Variants in EDA2R observed in about 807,000 individuals in gnomAD.
EDA2R encodes the protein ectodysplasin A2 receptor.
Under a neutral mutation model 20.1 loss-of-function variants are expected in EDA2R, and 26 were observed. The ratio of observed to expected loss-of-function variants is 1.30; its 90% CI spans 0.95 to 1.80. The LOEUF is 1.80. EDA2R is among the 40% of genes most tolerant of loss of function. The probability of loss-of-function intolerance (pLI) is 0.00; values close to 1 mark genes in which losing one functional copy is unlikely to be tolerated. For missense variants in EDA2R, 277 were observed against 228.7 expected (o/e 1.21, Z -1.36); for synonymous variants, 114 against 88.7 (o/e 1.29, Z -1.60).
chrX:66,623,732 G>A (rs1932835307), intron 1 of EDA2R, among the ~76,000 whole-genome samples: 1 of 111,207 alleles, frequency 9.0e-6, no homozygotes, highest in Non-Finnish European at 1.9e-5. Context: ...CTTCACATCT[G>A]CTGTTCCCTC....
At chrX:66,598,560 A>G (rs1030199116) in intron 6 of EDA2R, among the ~76,000 whole-genome samples, 1 of 112,162 alleles carries the variant, frequency 8.9e-6, no homozygotes, top group East Asian at 2.8e-4. Context: ...CAAGGACTAC[A>G]CAAACTCTTA....
chrX:66,627,495 A>C (rs1198927397), intron 1 of EDA2R, among the ~76,000 whole-genome samples: 6 of 112,646 alleles, frequency 5.3e-5, no homozygotes, highest in Non-Finnish European at 1.9e-5. Context: ...TATATCAGAC[A>C]AAACAAACTT....
intron 1 of EDA2R, among the ~76,000 whole-genome samples, chrX:66,623,013 T>C (rs756180857): frequency 5.0e-4 from 56 of 112,200 alleles, no homozygotes; most frequent in Non-Finnish European, 8.3e-4. Context: ...TTGGTTTGGC[T>C]AATCTCTTAG....
At chrX:66,627,257 G>T (rs930079775) in intron 1 of EDA2R, among the ~76,000 whole-genome samples, 7 of 112,125 alleles carry the variant, frequency 6.2e-5, no homozygotes, top group African/African-American at 2.3e-4. Flanking sequence ...ATAGCACAAT[G>T]AATGCAATGG....
intron 1 of EDA2R, among the ~76,000 whole-genome samples, chrX:66,618,040 C>A (rs184206567): frequency 9.0e-6 from 1 of 110,748 alleles, no homozygotes; most frequent in East Asian, 2.8e-4. Flanking sequence ...GAGCATGCCA[C>A]CATGCCCAGC....
At chrX:66,623,536 C>T (rs1932824282) in intron 1 of EDA2R, among the ~76,000 whole-genome samples, 1 of 111,594 alleles carries the variant, frequency 9.0e-6, no homozygotes, top group African/African-American at 3.3e-5. Flanking sequence ...TAATAAAGAG[C>T]TCATATTTTA....
At chrX:66,634,259 T>C (rs1934122079) in intron 1 of EDA2R, among the ~76,000 whole-genome samples, 2 of 112,407 alleles carry the variant, frequency 1.8e-5, no homozygotes. Flanking sequence ...AAAGGTATAG[T>C]ACTTTGTGAG....
chrX:66,630,114 G>T (rs1187301716), intron 1 of EDA2R, among the ~76,000 whole-genome samples: 1 of 111,674 alleles, frequency 9.0e-6, no homozygotes, highest in Non-Finnish European at 1.9e-5. Flanking sequence ...TCAACAAATG[G>T]TGCTGGGATA....
At chrX:66,603,903 C>G (rs2147613009) in intron 4 of EDA2R, among the ~76,000 whole-genome samples, 1 of 111,885 alleles carries the variant, frequency 8.9e-6, no homozygotes, top group Non-Finnish European at 1.9e-5. Flanking sequence ...TGTTTGAAAA[C>G]TTTCATGATT....
At chrX:66,602,832 A>T (rs762597930) in intron 4 of EDA2R, 35 bp from the exon 5 acceptor site, 16 of 1,132,525 alleles carry the variant, frequency 1.4e-5, no homozygotes, top group Non-Finnish European at 1.9e-5. Context: ...GTCAGTTAGC[A>T]TGGGCAGTAA....
At position 66,597,997 on chromosome X, in the gene EDA2R, C is replaced by A. The variant is rs1927764972; in HGVS notation, c.*107G>T. On this transcript the variant is annotated 3_prime_UTR_variant, in exon 7 of 7. Coordinates refer to ENST00000374719, the MANE Select transcript of EDA2R (RefSeq NM_021783.5). ...ATGCCCCATCTGTAGGGTATTAGCT[C>A]TTGTGGACATCACATTTCAGGCCCC... 1.1e-5 allele frequency: 11 copies of A among 959,075 alleles called. No individual in the cohort carries two copies. Among genetic ancestry groups the A allele is most frequent in the Non-Finnish European group, 1.5e-5 (11 of 746,913 alleles). 79.0% of individuals were successfully genotyped at this position (959,075 alleles called of 1,213,427 possible). A position where few individuals can be genotyped will look rare whatever the true frequency, so the allele number is the denominator to read the frequency against.
chrX:66,639,196 C>T (rs1250500053), upstream of EDA2R: 3 of 97,845 alleles, frequency 3.1e-5, no homozygotes, highest in Admixed American at 3.4e-4. Context: ...TGCATACACA[C>T]TCACAGTATA....
rs780293120 is a variant in EDA2R, at chrX:66,599,204, T to C, written c.*10+270A>G. ...ATATGACCATTAGATAGTGGGGCCC[T>C]GAGAGAGCTTACGAAAGACCAGAAT... is the stretch of plus-strand genomic sequence containing the variant. On this transcript the variant is annotated intron_variant, in intron 6 of 6. Coordinates refer to ENST00000374719, the MANE Select transcript of EDA2R (RefSeq NM_021783.5). Among the ~76,000 whole-genome samples the C allele has an allele frequency of 2.7e-5, 3 of 111,395 alleles. No individual in the cohort carries two copies. The South Asian group carries it at 1.1e-3, about 43-fold the overall frequency.
At chrX:66,636,688 G>A (rs1403020443) in intron 1 of EDA2R, among the ~76,000 whole-genome samples, 3 of 110,116 alleles carry the variant, frequency 2.7e-5, no homozygotes, top group South Asian at 3.9e-4. Context: ...TAGGGTAAAG[G>A]AAAATTACAA....
chrX:66,636,959 C>CAG lies in EDA2R; in HGVS notation c.-11+2035_-11+2036insCT, dbSNP rs765245481. On this transcript the variant is annotated intron_variant, in intron 1 of 6. Transcript: ENST00000374719. ...TGTAAAACACACACACACACACACA[C>CAG]ACACACACCCCACATACTTCTAAAT... Among the ~76,000 whole-genome samples the CAG allele has an allele frequency of 2.7e-3, 295 of 109,357 alleles. 1 individual carries two copies. The highest frequency in any genetic ancestry group is 9.4e-3 in the African/African-American group (284 of 30,105). The allele number at this position is 109,357 out of a possible 115,157, so 95.0% of individuals were successfully genotyped here.
At chrX:66,603,458 A>T (rs970365878) in intron 4 of EDA2R, among the ~76,000 whole-genome samples, 1 of 111,552 alleles carries the variant, frequency 9.0e-6, no homozygotes, top group African/African-American at 3.3e-5. Flanking sequence ...GTGAGTTGAA[A>T]TAACATGTGT....
rs1429363015 is a variant in EDA2R at position 66,615,932 on chromosome X, A to G, written c.87+2T>C. 3.3e-6 allele frequency: 4 copies of G among 1,203,603 alleles called. No homozygotes were observed. Among genetic ancestry groups the G allele is most frequent in the Non-Finnish European group, 4.5e-6 (4 of 888,715 alleles). On this transcript the variant is annotated splice_donor_variant, in intron 2 of 6. Transcript: ENST00000374719. LOFTEE classifies it high-confidence loss of function. Reference sequence around the variant, plus strand: ...ATAAGTGTACTGAATAGGATAACTTACCTTGGATAGCTCCTGTCCAGGACC... The same window carrying G: ...ATAAGTGTACTGAATAGGATAACTTGCCTTGGATAGCTCCTGTCCAGGACC...
intron 2 of EDA2R, among the ~76,000 whole-genome samples, chrX:66,607,684 A>G (rs1388346537): frequency 1.8e-5 from 2 of 111,823 alleles, no homozygotes; most frequent in African/African-American, 6.5e-5. Context: ...GCCTTCAACA[A>G]CACAAATCTA....
At chrX:66,616,100 T>TAC in intron 1 of EDA2R, 70 bp from the exon 2 acceptor site, 4 of 747,962 alleles carry the variant, frequency 5.3e-6, no homozygotes, top group East Asian at 3.3e-5. Context: ...TCCATGCCAC[T>TAC]TGGCTTCTGG....
Sources: gnomAD v4.1 joint callset for allele counts (sites outside exome capture counted in the v4.1 genomes callset) on GRCh38, gnomAD v4.1.1 for gene constraint, MANE v1.5 for transcripts, NCBI Gene and HGNC (gene_info 2026-07-23, HGNC 2026-07-21) for gene names.